Variants in FSD1 observed in about 807,000 individuals in gnomAD.
The protein encoded by FSD1 is fibronectin type III and SPRY domain-containing protein 1.
Under a neutral mutation model 58.2 loss-of-function variants are expected in FSD1, and 23 were observed. The observed-to-expected ratio is 0.40, with a 90% confidence interval of 0.28 to 0.56. The LOEUF (loss-of-function observed/expected upper bound fraction) is 0.56. FSD1 is among the 20% of genes least tolerant of loss of function. The pLI is 0.54. For synonymous variants in FSD1, 265 were observed against 263.4 expected (o/e 1.01, Z -0.06); for missense variants, 563 against 670.8 (o/e 0.84, Z 1.78).
chr19:4,306,029 G>A lies in FSD1; in HGVS notation c.99G>A (p.Leu33=), dbSNP rs2144753653. The A allele has an allele frequency of 6.2e-7, 1 of 1,613,964 alleles. No individual in the cohort carries two copies. Among genetic ancestry groups the A allele is most frequent in the Non-Finnish European group, 8.5e-7 (1 of 1,179,824 alleles). The part of the protein sequence containing the change: ...QSFIYSLKQM[L]LNVEANSAKV... Reference sequence around the variant, plus strand: ...TTATCTACTCCCTGAAACAGATGCTGCTGAACGTGGAGGTGAAGGCGGTGG... The same window carrying A: ...TTATCTACTCCCTGAAACAGATGCTACTGAACGTGGAGGTGAAGGCGGTGG... The change falls in exon 2 of 13, where the codon CTG becomes CTA. Residue 33 remains leucine (L), a synonymous_variant. Coordinates refer to ENST00000221856, the MANE Select transcript of FSD1 (RefSeq NM_024333.3).
At chr19:4,322,448 A>G (rs1438057387) in intron 10 of FSD1, among the ~76,000 whole-genome samples, 1 of 146,812 alleles carries the variant, frequency 6.8e-6, no homozygotes, top group East Asian at 2.1e-4. Context: ...AGGGAATAGC[A>G]GGAACCGAGG....
At chr19:4,313,197 T>G (rs959373293) in intron 7 of FSD1, among the ~76,000 whole-genome samples, 1 of 148,092 alleles carries the variant, frequency 6.8e-6, no homozygotes, top group Admixed American at 6.7e-5. Context: ...AAAAAAAAAA[T>G]TTAAAGTTAC....
Position 4,323,574 on chromosome 19 carries a change from C to A in FSD1, c.1422C>A (p.Val474=). The A allele has an allele frequency of 6.2e-7, 1 of 1,612,984 alleles. No homozygotes were observed. The highest frequency in any genetic ancestry group is 8.5e-7 in the Non-Finnish European group (1 of 1,179,596). The change falls in exon 13 of 13, where the codon GTC becomes GTA. Residue 474 remains valine, a synonymous_variant. Coordinates refer to ENST00000221856, the MANE Select transcript of FSD1 (RefSeq NM_024333.3). This position sits in a 1 kb window ranked among gnomAD's most constrained non-coding sequence, Gnocchi z 7.7. Reference sequence around the variant, plus strand: ...TCCAGGTGACGACAGGCCTGCAGGTCCCCAGTGCTGTGCGCTGCCTGCAAA... The same window carrying A: ...TCCAGGTGACGACAGGCCTGCAGGTACCCAGTGCTGTGCGCTGCCTGCAAA... ...GSFQVTTGLQ[V]PSAVRCLQKR...
At position 4,322,934 on chromosome 19, in the gene FSD1, T is replaced by C. The variant is rs1599543890; in HGVS notation, c.1040-52T>C. 6 of 1,558,578 alleles carry C rather than the reference T, an allele frequency of 3.8e-6. No homozygotes were observed. The East Asian group carries it at 1.4e-4, about 36-fold the overall frequency. ...CTGGCCCTTTGTGGAAGGGCATCTG[T>C]GGCCCAGTTCTATCCAGTTCCCCTG... is the stretch of plus-strand genomic sequence containing the variant. On this transcript the variant is annotated intron_variant, in intron 10 of 12. Coordinates refer to ENST00000221856, the MANE Select transcript of FSD1 (RefSeq NM_024333.3).
Position 4,323,448 on chromosome 19 carries a change from T to C in FSD1, c.1380+12T>C. ...TGCCTGCTTTCACGGTGAGCTGCCCTCCGCGGCCCAGGGGGAGGAGAGGGT... is the reference window on the plus strand; with the variant it reads ...TGCCTGCTTTCACGGTGAGCTGCCCCCCGCGGCCCAGGGGGAGGAGAGGGT... On this transcript the variant is annotated intron_variant, in intron 12 of 12. Coordinates refer to ENST00000221856, the MANE Select transcript of FSD1 (RefSeq NM_024333.3). This position sits in a 1 kb window ranked among gnomAD's most constrained non-coding sequence, Gnocchi z 7.7. 1 of 1,611,610 alleles carries C rather than the reference T, an allele frequency of 6.2e-7. No homozygotes were observed. The highest frequency in any genetic ancestry group is 1.1e-5 in the South Asian group (1 of 90,930).
chr19:4,310,219 C>T (rs756803185), intron 4 of FSD1, 54 bp from the exon 5 acceptor site: 75 of 1,603,204 alleles, frequency 4.7e-5, no homozygotes, highest in Admixed American at 1.0e-4. Context: ...AGCAAGACTC[C>T]GTCTCAAAAA....
chr19:4,316,040 T>C (rs1971751888), intron 7 of FSD1, among the ~76,000 whole-genome samples: 1 of 151,962 alleles, frequency 6.6e-6, no homozygotes, highest in Non-Finnish European at 1.5e-5. Context: ...GTGCTGGGAT[T>C]ACAGGCGTGA....
At chr19:4,315,848 C>T (rs1243877577) in intron 7 of FSD1, among the ~76,000 whole-genome samples, 8 of 151,508 alleles carry the variant, frequency 5.3e-5, no homozygotes, top group Non-Finnish European at 8.8e-5. Flanking sequence ...AGGCTGGTCT[C>T]GAACTCCTGA....
At chr19:4,322,784 A>G (rs145882052) in intron 10 of FSD1, among the ~76,000 whole-genome samples, 12 of 151,608 alleles carry the variant, frequency 7.9e-5, no homozygotes, top group African/African-American at 2.7e-4. Flanking sequence ...TGAAGGGAAT[A>G]GCTGGGGTTC....
At chr19:4,307,689 G>A (rs1971637527) in intron 3 of FSD1, among the ~76,000 whole-genome samples, 193 bp from the exon 4 acceptor site, 1 of 152,172 alleles carries the variant, frequency 6.6e-6, no homozygotes, top group Non-Finnish European at 1.5e-5. Flanking sequence ...TTAGGGAAGG[G>A]ATTCCCCAGG....
In FSD1 at chr19:4,308,855, C is replaced by T. The variant is rs188119936; in HGVS notation, c.345+872C>T. Among the ~76,000 whole-genome samples the T allele has an allele frequency of 1.3e-3, 193 of 143,234 alleles. 2 individuals carry two copies. The South Asian group carries it at 0.02, about 15-fold the overall frequency. The allele number at this position is 143,234 out of a possible 152,430, so 94.0% of individuals were successfully genotyped here. A position where few individuals can be genotyped will look rare whatever the true frequency, so the allele number is the denominator to read the frequency against. On this transcript the variant is annotated intron_variant, in intron 4 of 12. Transcript: ENST00000221856. Reference sequence around the variant, plus strand: ...CCTGGGCAACAGAGCGAGACTCCGTCGCAAAAAAAAGAGATTGAGACCATC... The same window carrying T: ...CCTGGGCAACAGAGCGAGACTCCGTTGCAAAAAAAAGAGATTGAGACCATC...
rs1411322763 is a variant in FSD1, at chr19:4,313,069, C to T, written c.700+1018C>T. Among the ~76,000 whole-genome samples, 23 of 151,856 alleles carry T rather than the reference C, an allele frequency of 1.5e-4. No individual in the cohort carries two copies. The South Asian group carries it at 4.8e-3, about 32-fold the overall frequency. On this transcript the variant is annotated intron_variant, in intron 7 of 12. Coordinates refer to ENST00000221856, the MANE Select transcript of FSD1 (RefSeq NM_024333.3). Reference sequence around the variant, plus strand: ...GCAGTTACAAGAAATTGAAAGCTGGCCAGGCATGGTGGCTCAAGCCTGTGA... The same window carrying T: ...GCAGTTACAAGAAATTGAAAGCTGGTCAGGCATGGTGGCTCAAGCCTGTGA...
Position 4,323,282 on chromosome 19 carries a change from G to C in FSD1, c.1291+45G>C, listed in dbSNP as rs1404045339. 1.9e-6 allele frequency: 3 copies of C among 1,607,760 alleles called. No individual in the cohort carries two copies. Among genetic ancestry groups the C allele is most frequent in the Non-Finnish European group, 2.5e-6 (3 of 1,178,482 alleles). On this transcript the variant is annotated intron_variant, in intron 11 of 12. Transcript: ENST00000221856. This position sits in a 1 kb window ranked among gnomAD's most constrained non-coding sequence, Gnocchi z 7.7. Reference sequence around the variant, plus strand: ...GCCGTCTCTGGCTGCCCCTGCCTGAGTCCCCTCCGTCTGCCCCCATCCCAC... The same window carrying C: ...GCCGTCTCTGGCTGCCCCTGCCTGACTCCCCTCCGTCTGCCCCCATCCCAC...
intron 10 of FSD1, among the ~76,000 whole-genome samples, chr19:4,319,827 G>A (rs939560608): frequency 2.0e-5 from 3 of 152,126 alleles, no homozygotes; most frequent in Non-Finnish European, 4.4e-5. Context: ...TGGAGAAGAC[G>A]TGTATAGAGG....
intron 10 of FSD1, among the ~76,000 whole-genome samples, chr19:4,320,663 G>A (rs1599542054): frequency 6.6e-6 from 1 of 151,840 alleles, no homozygotes; most frequent in African/African-American, 2.4e-5. Flanking sequence ...GGGAATCAAG[G>A]AATATCTGGA....
At chr19:4,308,331 C>T (rs1971647971) in intron 4 of FSD1, among the ~76,000 whole-genome samples, 4 of 151,586 alleles carry the variant, frequency 2.6e-5, no homozygotes. Context: ...TCGCTTGAAC[C>T]TGGGAGGCAG....
intron 1 of FSD1, 86 bp from the exon 2 acceptor site, chr19:4,305,860 G>A (rs540703809): frequency 9.6e-6 from 9 of 936,842 alleles, no homozygotes; most frequent in Admixed American, 3.5e-5. Context: ...GTGTGTGCAC[G>A]TGTGTACATG....
chr19:4,305,929 C>T lies in FSD1; in HGVS notation c.16-17C>T. 6.2e-7 allele frequency: 1 copy of T among 1,600,756 alleles called. No homozygotes were observed. The highest frequency in any genetic ancestry group is 8.6e-7 in the Non-Finnish European group (1 of 1,167,910). On this transcript the variant is annotated splice_polypyrimidine_tract_variant and intron_variant, in intron 1 of 12. Transcript: ENST00000221856. ...GTGTGTGTGCACCTGTGTGTGTCCA[C>T]ACTTCTGGTGGTGCAGGAGGCCCTG...
intron 6 of FSD1, 145 bp downstream of exon 6, chr19:4,310,741 C>A: frequency 1.1e-6 from 1 of 928,166 alleles, no homozygotes; most frequent in Non-Finnish European, 1.6e-6. Context: ...AATTCCACGC[C>A]CTGTGGGGGG....
Sources: gnomAD v4.1 joint callset for allele counts (sites outside exome capture counted in the v4.1 genomes callset) on GRCh38, gnomAD v4.1.1 for gene constraint, Gnocchi (gnomAD v3.1) non-coding constraint, MANE v1.5 for transcripts, NCBI Gene and HGNC (gene_info 2026-07-23, HGNC 2026-07-21) for gene names.